Variants in SIL1 observed in about 807,000 individuals in gnomAD.
The protein encoded by SIL1 is nucleotide exchange factor SIL1.
SIL1 carries 40 observed loss-of-function variants against 49.1 expected under a neutral mutation model. That is an observed-to-expected ratio of 0.81 (90% CI 0.63 to 1.06). The LOEUF is 1.06. Among genes scored for constraint, SIL1 ranks in the 50% least tolerant of loss-of-function variants. The pLI is 0.00. For missense variants in SIL1, 500 were observed against 572.6 expected, an observed-to-expected ratio of 0.87 and a Z score of 1.29; for synonymous variants, 253 against 250.8, an observed-to-expected ratio of 1.01 and a Z score of -0.08.
At chr5:139,048,643 T>C (rs988660821) in intron 4 of SIL1, among the ~76,000 whole-genome samples, 2 of 152,198 alleles carry the variant, frequency 1.3e-5, no homozygotes, top group African/African-American at 4.8e-5. Context: ...ATGTTGGTAT[T>C]ACAGGTGTGA....
At chr5:139,170,851 C>A (rs1169844720) in intron 1 of SIL1, among the ~76,000 whole-genome samples, 1 of 150,098 alleles carries the variant, frequency 6.7e-6, no homozygotes, top group Non-Finnish European at 1.5e-5. Flanking sequence ...CCCGGCCAGC[C>A]GCCCCGTCCG....
At chr5:139,157,103 C>T (rs1012776904) in intron 1 of SIL1, among the ~76,000 whole-genome samples, 4 of 152,200 alleles carry the variant, frequency 2.6e-5, no homozygotes, top group African/African-American at 9.7e-5. Flanking sequence ...TCATGAGCCT[C>T]TCCTTTCTCC....
At chr5:139,011,330 G>C (rs1329916555) in intron 7 of SIL1, among the ~76,000 whole-genome samples, 1 of 152,158 alleles carries the variant, frequency 6.6e-6, no homozygotes. Flanking sequence ...CTCCCGCACC[G>C]TGCGCGCACC....
chr5:138,972,888 TC>T (rs1269236850), intron 7 of SIL1, among the ~76,000 whole-genome samples: 3 of 152,124 alleles, frequency 2.0e-5, no homozygotes, highest in African/African-American at 7.2e-5. Flanking sequence ...GACAAACGGG[TC>T]CTGGGTCCTC....
intron 1 of SIL1, among the ~76,000 whole-genome samples, chr5:139,130,125 A>T (rs945825510): frequency 1.3e-5 from 2 of 151,998 alleles, no homozygotes; most frequent in African/African-American, 2.4e-5. Flanking sequence ...CAAATTAAAA[A>T]TTTTTTAAAT....
chr5:139,026,010 C>A (rs372171524), intron 6 of SIL1, among the ~76,000 whole-genome samples: 78 of 152,250 alleles, frequency 5.1e-4, no homozygotes, highest in Non-Finnish European at 7.1e-4. Context: ...TCTAGTCCCC[C>A]CTCTTCACCC....
At chr5:139,140,569 A>C (rs1396796629) in intron 1 of SIL1, among the ~76,000 whole-genome samples, 2 of 152,218 alleles carry the variant, frequency 1.3e-5, no homozygotes, top group East Asian at 3.9e-4. Flanking sequence ...TAAAATGTAC[A>C]CATTTACATA....
intron 3 of SIL1, among the ~76,000 whole-genome samples, chr5:139,056,430 C>T (rs1369896859): frequency 2.4e-4 from 37 of 151,732 alleles, no homozygotes; most frequent in African/African-American, 8.2e-4. Flanking sequence ...AGCCCCTCCG[C>T]CCGGCAGCCA....
intron 3 of SIL1, among the ~76,000 whole-genome samples, chr5:139,105,769 A>T (rs1336790702): frequency 1.3e-5 from 2 of 152,234 alleles, no homozygotes; most frequent in African/African-American, 2.4e-5. Flanking sequence ...CCTTGAGCAC[A>T]GGCTTATGTT....
At chr5:139,040,477 A>ATT (rs1433157841) in intron 5 of SIL1, among the ~76,000 whole-genome samples, 3 of 95,636 alleles carry the variant, frequency 3.1e-5, no homozygotes, top group African/African-American at 4.9e-5. Context: ...GGAGAGGAGT[A>ATT]TTTTTTCTTT....
intron 5 of SIL1, among the ~76,000 whole-genome samples, chr5:139,038,024 T>TAG (rs895611278): frequency 2.6e-5 from 4 of 152,050 alleles, no homozygotes; most frequent in African/African-American, 9.7e-5. Flanking sequence ...CTTCACACGG[T>TAG]AGAGAGAGAG....
chr5:139,010,711 A>AGT lies in SIL1; in HGVS notation c.767+10459_767+10460insAC. ...GGACCCTCAGCTGCAGGTCTGTTGG[A>AGT]ATACCCTGCCGTGTGATGTGTCAGT... is the stretch of plus-strand genomic sequence containing the variant. On this transcript the variant is annotated intron_variant, in intron 7 of 9. Transcript: ENST00000394817. Among the ~76,000 whole-genome samples, 3 of 151,250 alleles carry AGT rather than the reference A, an allele frequency of 2.0e-5. No individual in the cohort carries two copies. In the South Asian group the frequency reaches 6.3e-4, roughly 32 times the overall value.
chr5:139,145,629 CGTGTGTGTGTGTGT>C (rs57675583), intron 1 of SIL1, among the ~76,000 whole-genome samples: 9,411 of 142,722 alleles, frequency 0.066, 376 homozygotes, highest in Non-Finnish European at 0.089. Context: ...GGTGTGGGGG[CGTGTGTGTGTGTGT>C]GTGTGTGTGT....
At chr5:138,996,589 G>A (rs898876483) in intron 7 of SIL1, among the ~76,000 whole-genome samples, 17 of 141,418 alleles carry the variant, frequency 1.2e-4, no homozygotes, top group Admixed American at 3.0e-4. Flanking sequence ...GTGCAATCTC[G>A]GCTTACTGCA....
chr5:139,130,196 A>G (rs555917250), intron 1 of SIL1, among the ~76,000 whole-genome samples: 1 of 152,258 alleles, frequency 6.6e-6, no homozygotes, highest in South Asian at 2.1e-4. Context: ...GGGTGAGAAG[A>G]TCTCTTGAGC....
intron 7 of SIL1, among the ~76,000 whole-genome samples, chr5:138,993,818 C>T (rs1293871794): frequency 6.6e-6 from 1 of 152,206 alleles, no homozygotes; most frequent in Non-Finnish European, 1.5e-5. Flanking sequence ...TAGACCCTAG[C>T]TCCAGCTGAC....
intron 1 of SIL1, among the ~76,000 whole-genome samples, chr5:139,174,406 AG>A (rs1751837025): frequency 6.6e-6 from 1 of 152,164 alleles, no homozygotes; most frequent in African/African-American, 2.4e-5. Context: ...CTGAGGCAGA[AG>A]GATCACTTGA....
At chr5:139,055,630 C>G (rs10045176) in intron 3 of SIL1, among the ~76,000 whole-genome samples, 11 of 113,254 alleles carry the variant, frequency 9.7e-5, no homozygotes, top group Non-Finnish European at 1.7e-4. Flanking sequence ...CCCTCTCCCC[C>G]TCTCCCCCTC....
intron 1 of SIL1, among the ~76,000 whole-genome samples, chr5:139,184,491 A>G (rs968727755): frequency 4.6e-5 from 7 of 152,240 alleles, no homozygotes; most frequent in Non-Finnish European, 1.0e-4. Context: ...TCGGAAACAT[A>G]GCAAAACCCC....
Sources: gnomAD v4.1 joint callset for allele counts (sites outside exome capture counted in the v4.1 genomes callset) on GRCh38, gnomAD v4.1.1 for gene constraint, MANE v1.5 for transcripts, NCBI Gene and HGNC (gene_info 2026-07-23, HGNC 2026-07-21) for gene names.